The following FAM81A variants were observed in gnomAD, a reference collection of about 807,000 sequenced individuals.
FAM81A encodes protein FAM81A.
A neutral mutation model predicts 46.7 loss-of-function variants in FAM81A; 19 were observed. The observed-to-expected ratio is 0.41, with a 90% CI of 0.28 to 0.60. The LOEUF (loss-of-function observed/expected upper bound fraction) is 0.60. Among genes scored for constraint, FAM81A ranks in the 20% least tolerant of loss-of-function variants. The pLI, the probability that FAM81A is intolerant of heterozygous loss-of-function variation, is 0.34. For missense variants in FAM81A, 377 were observed against 453.5 expected (o/e 0.83, Z 1.53); for synonymous variants, 183 against 152.9 (o/e 1.20, Z -1.45).
chr15:59,418,832 C>G (rs1438923589), intron 2 of FAM81A, among the ~76,000 whole-genome samples: 4 of 152,186 alleles, frequency 2.6e-5, no homozygotes, highest in Non-Finnish European at 4.4e-5. Flanking sequence ...GGTGATGTCT[C>G]CTCCTCACAG....
chr15:59,514,374 G>A lies in FAM81A; in HGVS notation c.736G>A (p.Glu246Lys), dbSNP rs769801994. 6.2e-7 allele frequency: 1 copy of A among 1,613,634 alleles called. No individual in the cohort carries two copies. The highest frequency in any genetic ancestry group is 1.1e-5 in the South Asian group (1 of 91,050). ...LQQEQERIEK[E>K]LLQKIDQLSL... ...ACAGGAACAAGAACGGATAGAAAAA[G>A]AGCTTTTACAGAAAATTGATCAGCT... The change falls in exon 7 of 9, where the codon GAG becomes AAG. Residue 246 changes from glutamate (E) to lysine (K), a missense_variant. Coordinates refer to ENST00000288228, the MANE Select transcript of FAM81A (RefSeq NM_152450.3).
intron 8 of FAM81A, among the ~76,000 whole-genome samples, chr15:59,517,515 G>C (rs80143633): frequency 0.088 from 13,412 of 152,232 alleles, 774 homozygotes; most frequent in Non-Finnish European, 0.13. Flanking sequence ...AGTAGAGGCT[G>C]GTTGATTGTG....
Position 59,447,260 on chromosome 15 carries a change from A to G in FAM81A, c.-78+8978A>G, listed in dbSNP as rs533065736. ...GAAAAAATGTCAAGATGTGTCAGGT[A>G]AGCTATATCTGCTGTTGGCCTAAGG... On this transcript the variant is annotated intron_variant, in intron 1 of 8. Coordinates refer to ENST00000288228, the MANE Select transcript of FAM81A (RefSeq NM_152450.3). Among the ~76,000 whole-genome samples the G allele has an allele frequency of 5.3e-5, 8 of 152,318 alleles. No individual in the cohort carries two copies. The East Asian group carries it at 1.5e-3, about 29-fold the overall frequency.
At chr15:59,449,705 C>A (rs1276689188) in intron 1 of FAM81A, among the ~76,000 whole-genome samples, 3 of 136,114 alleles carry the variant, frequency 2.2e-5, no homozygotes, top group Admixed American at 8.7e-5. Flanking sequence ...TGGCGTGAAC[C>A]CGGGAAGCGG....
intron 3 of FAM81A, among the ~76,000 whole-genome samples, chr15:59,480,899 C>A (rs1456168819): frequency 1.3e-5 from 2 of 152,102 alleles, no homozygotes; most frequent in African/African-American, 4.8e-5. Context: ...CGTCTAACAC[C>A]TTCTGTTTTC....
intron 8 of FAM81A, among the ~76,000 whole-genome samples, chr15:59,518,664 A>C (rs1469578544): frequency 6.6e-6 from 1 of 152,094 alleles, no homozygotes; most frequent in Non-Finnish European, 1.5e-5. Context: ...AAGAACAAGG[A>C]TATTCTCTTA....
chr15:59,480,608 T>C lies in FAM81A; in HGVS notation c.295-11663T>C, dbSNP rs536284421. ...ATGTTTATTGTGTGCACCTGGACAA[T>C]GCACTTTCCACCCTTTAGTTTTTCT... On this transcript the variant is annotated intron_variant, in intron 3 of 8. Coordinates refer to ENST00000288228, the MANE Select transcript of FAM81A (RefSeq NM_152450.3). Among the ~76,000 whole-genome samples the C allele has an allele frequency of 6.8e-4, 103 of 152,288 alleles. 4 individuals carry two copies. The South Asian group carries it at 0.021, about 31-fold the overall frequency.
At chr15:59,507,373 C>T (rs371061625) in intron 5 of FAM81A, 31 bp downstream of exon 5, 51 of 1,603,588 alleles carry the variant, frequency 3.2e-5, no homozygotes, top group African/African-American at 1.5e-4. Context: ...CTTTTAGAAG[C>T]GGGTAATTTG....
chr15:59,437,542 C>G (rs1277682620), upstream of FAM81A, among the ~76,000 whole-genome samples: 1 of 152,098 alleles, frequency 6.6e-6, no homozygotes, highest in African/African-American at 2.4e-5. Context: ...CGGGGTTCTT[C>G]TTCTCGTCGT....
chr15:59,410,072 C>T (rs765079947), intron 2 of FAM81A, among the ~76,000 whole-genome samples: 11 of 152,078 alleles, frequency 7.2e-5, no homozygotes, highest in African/African-American at 2.4e-4. Context: ...GAGGCTGAGG[C>T]GGCGGATTAC....
intron 4 of FAM81A, among the ~76,000 whole-genome samples, chr15:59,499,540 C>A (rs2082069213): frequency 6.6e-6 from 1 of 152,170 alleles, no homozygotes; most frequent in South Asian, 2.1e-4. Flanking sequence ...AACTGGGGCA[C>A]TTGCTTTTAG....
chr15:59,501,978 T>C (rs1428036923), intron 4 of FAM81A, among the ~76,000 whole-genome samples: 4 of 152,028 alleles, frequency 2.6e-5, no homozygotes, highest in Non-Finnish European at 5.9e-5. Flanking sequence ...AATAGCAATA[T>C]TCCTTTCCTT....
At chr15:59,430,419 C>A (rs1456627522) in intron 2 of FAM81A, among the ~76,000 whole-genome samples, 1 of 152,052 alleles carries the variant, frequency 6.6e-6, no homozygotes, top group Non-Finnish European at 1.5e-5. Context: ...CATATGCCAC[C>A]ATGCCCGGCT....
At chr15:59,440,379 C>G (rs1443253444) in intron 1 of FAM81A, among the ~76,000 whole-genome samples, 1 of 152,076 alleles carries the variant, frequency 6.6e-6, no homozygotes, top group Admixed American at 6.5e-5. Context: ...ACTCTCTGGG[C>G]AATTCTGATG....
At chr15:59,491,179 G>T (rs898589419) in intron 3 of FAM81A, among the ~76,000 whole-genome samples, 8 of 152,152 alleles carry the variant, frequency 5.3e-5, no homozygotes, top group African/African-American at 1.9e-4. Context: ...CCATCAACAG[G>T]CAAATGGATA....
In FAM81A at chr15:59,460,240, C is replaced by T. The variant is rs751041572; in HGVS notation, c.294+34C>T. On this transcript the variant is annotated intron_variant, in intron 3 of 8. Coordinates refer to ENST00000288228, the MANE Select transcript of FAM81A (RefSeq NM_152450.3). This position sits in a 1 kb window ranked among gnomAD's most constrained non-coding sequence, Gnocchi z 4.4. ...TGTGAAAGTCAGGTGGCCTATGTCC[C>T]TTTCCACAGAATTGCTCCATGTCAG... is the stretch of plus-strand genomic sequence containing the variant. The T allele has an allele frequency of 6.2e-7, 1 of 1,613,800 alleles. No individual in the cohort carries two copies. Among genetic ancestry groups the T allele is most frequent in the East Asian group, 2.2e-5 (1 of 44,890 alleles).
At position 59,507,267 on chromosome 15, in the gene FAM81A, G is replaced by A; in HGVS notation, c.468G>A (p.Gly156=). ...CAGAGCACAAAACGACCTATGAGGG[G>A]CTCCAGCACTTGAACAAAGAACAGC... ...LSAEHKTTYE[G]LQHLNKEQQA... The change falls in exon 5 of 9, where the codon GGG becomes GGA. Residue 156 remains glycine, a synonymous_variant. Transcript: ENST00000288228. 3 of 1,611,880 alleles carry A rather than the reference G, an allele frequency of 1.9e-6. No individual in the cohort carries two copies. Among genetic ancestry groups the A allele is most frequent in the South Asian group, 1.1e-5 (1 of 90,446 alleles).
rs540558571 is a variant in FAM81A at position 59,401,238 on chromosome 15, A to C, written c.-160-1038A>C. On this transcript the variant is annotated intron_variant, in intron 1 of 4. Transcript: ENST00000558348. ...ATTGCTGTCGAACCAGTAAGACTGC[A>C]TTTATGCATCCATCATTTTCAGGAT... The C allele has an allele frequency of 3.6e-5, 38 of 1,041,152 alleles. 2 individuals are homozygous for C. In the South Asian group the frequency reaches 4.6e-4, roughly 13 times the overall value. The allele number at this position is 1,041,152 out of a possible 1,614,324, so 64.5% of individuals were successfully genotyped here. A position where few individuals can be genotyped will look rare whatever the true frequency, so the allele number is the denominator to read the frequency against.
At chr15:59,495,501 C>T (rs1398917635) in intron 4 of FAM81A, among the ~76,000 whole-genome samples, 1 of 152,134 alleles carries the variant, frequency 6.6e-6, no homozygotes, top group Admixed American at 6.5e-5. Context: ...TTTTTGTGTG[C>T]TCATAGGTTT....
Sources: allele counts gnomAD v4.1 joint callset (sites outside exome capture counted in the v4.1 genomes callset), GRCh38; gene constraint gnomAD v4.1.1; non-coding constraint Gnocchi (gnomAD v3.1); transcripts MANE v1.5; gene names NCBI Gene and HGNC (gene_info 2026-07-23, HGNC 2026-07-21).